DGKZ: variants seen among roughly 807,000 people sequenced by gnomAD.
The protein encoded by DGKZ is diacylglycerol kinase zeta, also known as DAG kinase zeta.
A neutral mutation model predicts 142.5 loss-of-function variants in DGKZ; 45 were observed. That is an observed-to-expected ratio of 0.32 (90% CI 0.25 to 0.40). The LOEUF (loss-of-function observed/expected upper bound fraction) is 0.40, where lower values mean the gene tolerates loss of function less well. Ranked by LOEUF, DGKZ falls within the 10% of genes least tolerant of loss-of-function variation. DGKZ has a pLI of 1.00. For missense variants in DGKZ, 755 were observed against 1,306.5 expected (o/e 0.58, Z 6.51); for synonymous variants, 442 against 527.0 (o/e 0.84, Z 2.21).
exon 25 of DGKZ, chr11:46,377,193 C>T (rs1944649782): frequency 6.2e-7 from 1 of 1,600,250 alleles, no homozygotes; most frequent in Admixed American, 1.7e-5. Flanking sequence ...CCCCACCTCA[C>T]CCTGCTCACC....
At chr11:46,348,798 C>T (rs980302938) in intron 1 of DGKZ, among the ~76,000 whole-genome samples, 1 of 152,182 alleles carries the variant, frequency 6.6e-6, no homozygotes, top group Admixed American at 6.5e-5. Flanking sequence ...TGGCTCCCTG[C>T]GCTTCTTCCT....
chr11:46,378,310 C>T, intron 26 of DGKZ, 81 bp downstream of exon 26: 2 of 1,539,810 alleles, frequency 1.3e-6, no homozygotes, highest in South Asian at 2.5e-5. Context: ...AGGGCCCAGA[C>T]ACAGCCTTAC....
chr11:46,369,785 C>T, intron 5 of DGKZ, 156 bp from the exon 6 acceptor site: 1 of 927,436 alleles, frequency 1.1e-6, no homozygotes, highest in East Asian at 2.6e-5. Context: ...CTGAGCCTCC[C>T]CCAGGCCATG....
At chr11:46,379,759 C>T (rs1945012561) in intron 30 of DGKZ, 72 bp from the exon 31 acceptor site, 2 of 1,448,154 alleles carry the variant, frequency 1.4e-6, no homozygotes, top group African/African-American at 1.4e-5. Flanking sequence ...GAGGTAGAGC[C>T]CCTGCCTCTC....
At chr11:46,363,827 G>A (rs951707704) in intron 1 of DGKZ, among the ~76,000 whole-genome samples, 3 of 152,198 alleles carry the variant, frequency 2.0e-5, no homozygotes, top group East Asian at 1.9e-4. Flanking sequence ...GTGCCCTGAC[G>A]GCAGGGGGCA....
At chr11:46,333,341 G>C in exon 1 of DGKZ, 6 of 1,352,926 alleles carry the variant, frequency 4.4e-6, no homozygotes, top group Non-Finnish European at 5.7e-6. Flanking sequence ...GGGCAGCCGA[G>C]GAGGAGGTGG....
At chr11:46,341,086 T>G (rs1008355038) in intron 1 of DGKZ, among the ~76,000 whole-genome samples, 2 of 152,212 alleles carry the variant, frequency 1.3e-5, no homozygotes, top group African/African-American at 4.8e-5. Flanking sequence ...AGGCGGAGGT[T>G]GCAGTGAGCT....
At chr11:46,354,684 G>C (rs1826819631) in intron 1 of DGKZ, among the ~76,000 whole-genome samples, 1 of 152,202 alleles carries the variant, frequency 6.6e-6, no homozygotes, top group South Asian at 2.1e-4. Context: ...CCACAATTCT[G>C]ATTTTGGTGT....
intron 27 of DGKZ, chr11:46,378,711 T>C: frequency 1.2e-6 from 1 of 839,646 alleles, no homozygotes; most frequent in Non-Finnish European, 2.0e-6. Context: ...GCTTCCTAGC[T>C]CAGTCCACCT....
chr11:46,368,447 G>C (rs1943571945), intron 4 of DGKZ: 1 of 361,114 alleles, frequency 2.8e-6, no homozygotes, highest in Non-Finnish European at 5.4e-6. Flanking sequence ...CCTCTGTGGA[G>C]ACCTTTCCCC....
chr11:46,376,277 C>T (rs1318400878), intron 22 of DGKZ, 51 bp from the exon 23 acceptor site: 2 of 1,611,376 alleles, frequency 1.2e-6, no homozygotes, highest in Non-Finnish European at 1.7e-6. Context: ...AAGTTCCCTT[C>T]CCTCCCTGGC....
At chr11:46,377,916 T>C in intron 25 of DGKZ, 1 of 517,902 alleles carries the variant, frequency 1.9e-6, no homozygotes, top group Non-Finnish European at 3.5e-6. Flanking sequence ...TCTGCAGGGG[T>C]GCCACATCAC....
chr11:46,369,551 GT>G lies in DGKZ; in HGVS notation c.501+2del. On this transcript the variant is annotated splice_donor_variant, in intron 5 of 30. Transcript: ENST00000527911. LOFTEE classifies it high-confidence loss of function. ...ATCAGGCTCCAGGAATGTCCGCGAG[GT>G]AAGTGCCCAGGGTGGTCAGGGATGG... The G allele has an allele frequency of 6.2e-7, 1 of 1,612,622 alleles. No individual in the cohort carries two copies. The highest frequency in any genetic ancestry group is 1.3e-5 in the African/African-American group (1 of 75,014).
chr11:46,339,040 G>A (rs544679542), intron 1 of DGKZ: 20 of 152,346 alleles, frequency 1.3e-4, no homozygotes, highest in African/African-American at 4.6e-4. Flanking sequence ...TAAAAGCAAG[G>A]CTGAGCATGC....
At chr11:46,365,630 A>C in intron 1 of DGKZ, 2 of 985,308 alleles carry the variant, frequency 2.0e-6, no homozygotes, top group Non-Finnish European at 2.4e-6. Context: ...CCTGACCCCA[A>C]GGCTATGGGC....
intron 1 of DGKZ, chr11:46,364,243 G>A: frequency 1.4e-6 from 1 of 732,826 alleles, no homozygotes; most frequent in Non-Finnish European, 2.1e-6. Flanking sequence ...ACTCTAGGCG[G>A]TCACCTCTGC....
At chr11:46,348,483 C>T (rs1472361082) in intron 1 of DGKZ, among the ~76,000 whole-genome samples, 1 of 152,216 alleles carries the variant, frequency 6.6e-6, no homozygotes, top group African/African-American at 2.4e-5. Context: ...CTCTGCTAGG[C>T]AGGCAGCATG....
intron 16 of DGKZ, 59 bp from the exon 17 acceptor site, chr11:46,374,545 C>T (rs1039284886): frequency 2.2e-5 from 35 of 1,609,136 alleles, no homozygotes; most frequent in African/African-American, 6.7e-5. Context: ...GGAGCCCTGC[C>T]GGGTGCTGGT....
chr11:46,349,677 A>C (rs1941123793), intron 1 of DGKZ, among the ~76,000 whole-genome samples: 1 of 152,200 alleles, frequency 6.6e-6, no homozygotes, highest in African/African-American at 2.4e-5. Context: ...CTGGGATTAT[A>C]GGTGTGAGCC....
Sources: gnomAD v4.1 joint callset for allele counts (sites outside exome capture counted in the v4.1 genomes callset) on GRCh38, gnomAD v4.1.1 for gene constraint, MANE v1.5 for transcripts, NCBI Gene and HGNC (gene_info 2026-07-23, HGNC 2026-07-21) for gene names.